Variants in CNTNAP2 observed in about 807,000 individuals in gnomAD.
The protein encoded by CNTNAP2 is contactin associated protein 2, also known as contactin-associated protein-like 2.
A neutral mutation model predicts 155.2 loss-of-function variants in CNTNAP2; 98 were observed. The ratio of observed to expected loss-of-function variants is 0.63; its 90% confidence interval spans 0.54 to 0.75. CNTNAP2 has a LOEUF of 0.75. CNTNAP2 is among the 30% of genes least tolerant of loss of function. The pLI is 0.00. For missense variants in CNTNAP2, 1,727 were observed against 1,688.1 expected (o/e 1.02, Z -0.40); for synonymous variants, 651 against 631.2 (o/e 1.03, Z -0.47).
At position 147,110,178 on chromosome 7, in the gene CNTNAP2, G is replaced by C. The variant is rs141782244; in HGVS notation, c.754+1828G>C. ...GACCTCAAATGATCCACCTGCCTTG[G>C]CCTTCCAAAGTGCTGGGATTACAAG... On this transcript the variant is annotated intron_variant, in intron 5 of 23. Transcript: ENST00000361727. 8.7e-4 allele frequency among the ~76,000 whole-genome samples: 133 copies of C among 152,178 alleles called. 1 individual carries two copies. The highest frequency in any genetic ancestry group is 1.4e-3 in the Admixed American group (22 of 15,276).
intron 11 of CNTNAP2, among the ~76,000 whole-genome samples, chr7:147,518,568 C>T (rs190864677): frequency 2.4e-4 from 36 of 152,232 alleles, no homozygotes; most frequent in African/African-American, 5.3e-4. Flanking sequence ...GTAGCTCTTC[C>T]GGTGGACAGA....
intron 13 of CNTNAP2, among the ~76,000 whole-genome samples, chr7:147,829,731 G>A (rs1321567126): frequency 6.6e-6 from 1 of 152,118 alleles, no homozygotes; most frequent in Non-Finnish European, 1.5e-5. Flanking sequence ...ACAATTGGAG[G>A]AGCATACGGT....
chr7:146,254,439 G>C (rs1023111494), intron 1 of CNTNAP2, among the ~76,000 whole-genome samples: 3 of 152,132 alleles, frequency 2.0e-5, no homozygotes, highest in African/African-American at 7.2e-5. Context: ...TCGTACCCAA[G>C]TAAAAGTGTA....
intron 1 of CNTNAP2, among the ~76,000 whole-genome samples, chr7:146,327,200 G>T (rs1225080215): frequency 6.6e-6 from 1 of 152,108 alleles, no homozygotes; most frequent in Admixed American, 6.6e-5. Context: ...GGACTCCATG[G>T]TTCCATTTCA....
chr7:147,204,798 A>T (rs1291521004), intron 8 of CNTNAP2, among the ~76,000 whole-genome samples: 1 of 152,200 alleles, frequency 6.6e-6, no homozygotes, highest in Non-Finnish European at 1.5e-5. Flanking sequence ...TCATTTTAAA[A>T]AATGGAAAAT....
At chr7:148,374,090 C>T (rs1280020652) in intron 21 of CNTNAP2, among the ~76,000 whole-genome samples, 1 of 152,184 alleles carries the variant, frequency 6.6e-6, no homozygotes, top group African/African-American at 2.4e-5. Context: ...TCAGTTTCTT[C>T]GTGTGCTTGA....
At chr7:148,311,389 T>C (rs539087731) in intron 21 of CNTNAP2, among the ~76,000 whole-genome samples, 3 of 142,918 alleles carry the variant, frequency 2.1e-5, no homozygotes, top group Non-Finnish European at 4.4e-5. Context: ...TAGGAGAGAA[T>C]GAGTAAGGTT....
rs377118073 is a variant in CNTNAP2 at position 146,556,959 on chromosome 7, T to G, written c.98-217312T>G. The stretch of plus-strand genomic sequence containing the variant: ...CAGGTTCTTTTCAGATTATTCTGGT[T>G]GATTAAACACACAGAGAAATAACCC... On this transcript the variant is annotated intron_variant, in intron 1 of 23. Transcript: ENST00000361727. Among the ~76,000 whole-genome samples the G allele has an allele frequency of 1.5e-4, 23 of 152,206 alleles. No individual in the cohort carries two copies. In the East Asian group the frequency reaches 4.1e-3, roughly 27 times the overall value.
At chr7:146,196,137 T>C (rs773285710) in intron 1 of CNTNAP2, among the ~76,000 whole-genome samples, 27 of 152,210 alleles carry the variant, frequency 1.8e-4, no homozygotes, top group Non-Finnish European at 2.9e-4. Flanking sequence ...CATGCACAAT[T>C]ACATTTGAGT....
intron 3 of CNTNAP2, among the ~76,000 whole-genome samples, chr7:146,888,469 G>A (rs1457246569): frequency 6.6e-6 from 1 of 151,968 alleles, no homozygotes; most frequent in Admixed American, 6.6e-5. Flanking sequence ...TCCACATCAT[G>A]TGTTTTTCCT....
At chr7:146,891,797 A>G (rs1467398546) in intron 3 of CNTNAP2, among the ~76,000 whole-genome samples, 1 of 152,168 alleles carries the variant, frequency 6.6e-6, no homozygotes, top group East Asian at 1.9e-4. Flanking sequence ...TCAACACAGC[A>G]CTCTAAGAAA....
chr7:148,287,656 C>T (rs1797106032), intron 21 of CNTNAP2, among the ~76,000 whole-genome samples: 1 of 152,148 alleles, frequency 6.6e-6, no homozygotes, highest in Non-Finnish European at 1.5e-5. Context: ...CTTCTGGAGG[C>T]TGGGAAGTCC....
chr7:146,309,670 C>T (rs555344846), intron 1 of CNTNAP2, among the ~76,000 whole-genome samples: 15 of 151,840 alleles, frequency 9.9e-5, no homozygotes, highest in South Asian at 8.3e-4. Context: ...GGCGTGTTGG[C>T]GGGCGACTGT....
chr7:146,732,428 A>C (rs1262037143), intron 1 of CNTNAP2, among the ~76,000 whole-genome samples: 1 of 152,156 alleles, frequency 6.6e-6, no homozygotes, highest in Non-Finnish European at 1.5e-5. Context: ...CAGTGAGGAA[A>C]ATATTGTATG....
intron 1 of CNTNAP2, among the ~76,000 whole-genome samples, chr7:146,749,821 T>C (rs370435893): frequency 1.1e-4 from 16 of 152,326 alleles, no homozygotes; most frequent in African/African-American, 3.8e-4. Context: ...TCTGTTTACA[T>C]GTCTTCTCCT....
chr7:147,209,011 G>T (rs1374239648), intron 8 of CNTNAP2, among the ~76,000 whole-genome samples: 1 of 151,796 alleles, frequency 6.6e-6, no homozygotes, highest in African/African-American at 2.4e-5. Context: ...TAATCTGTTT[G>T]TTTTTATGTA....
intron 21 of CNTNAP2, among the ~76,000 whole-genome samples, chr7:148,359,134 A>G (rs181558465): frequency 1.1e-4 from 17 of 152,366 alleles, no homozygotes; most frequent in African/African-American, 4.1e-4. Context: ...ATTGAGTACA[A>G]TAACATGCTC....
chr7:146,685,356 C>T (rs971945309), intron 1 of CNTNAP2, among the ~76,000 whole-genome samples: 27 of 152,102 alleles, frequency 1.8e-4, no homozygotes, highest in African/African-American at 6.3e-4. Context: ...AGATGACACA[C>T]AAACAACATG....
chr7:146,382,177 A>G (rs1795399231), intron 1 of CNTNAP2, among the ~76,000 whole-genome samples: 2 of 152,208 alleles, frequency 1.3e-5, no homozygotes, highest in African/African-American at 4.8e-5. Context: ...AAAGAATATG[A>G]GGCAAGAACT....
Sources: gnomAD v4.1 joint callset for allele counts (sites outside exome capture counted in the v4.1 genomes callset) on GRCh38, gnomAD v4.1.1 for gene constraint, MANE v1.5 for transcripts, NCBI Gene and HGNC (gene_info 2026-07-23, HGNC 2026-07-21) for gene names.